Variants in PREX2 observed in about 807,000 individuals in gnomAD.
The protein encoded by PREX2 is phosphatidylinositol-3,4,5-trisphosphate dependent Rac exchange factor 2.
A neutral mutation model predicts 203.2 loss-of-function variants in PREX2; 107 were observed. The ratio of observed to expected loss-of-function variants is 0.53; its 90% confidence interval spans 0.45 to 0.62. PREX2 has a LOEUF of 0.62. Ranked by LOEUF, PREX2 falls within the 20% of genes least tolerant of loss-of-function variation. The pLI is 0.00. For missense variants in PREX2, 1,777 were observed against 1,955.9 expected, an observed-to-expected ratio of 0.91 and a Z score of 1.72; for synonymous variants, 672 against 663.6, an observed-to-expected ratio of 1.01 and a Z score of -0.19.
Position 68,090,634 on chromosome 8 carries a change from T to C in PREX2, c.2169T>C (p.Asn723=). ...LHPGQCIIKV[N]GINVSKETHA... is the part of the protein sequence containing the mutation. ...CTGGACAGTGCATTATCAAGGTGAA[T>C]GGAATCAATGTCAGCAAAGAGACAC... Residue 723 remains asparagine, a synonymous_variant, in exon 20 of 40, where the codon AAT becomes AAC. Transcript: ENST00000288368. The C allele has an allele frequency of 6.2e-7, 1 of 1,613,822 alleles. No individual in the cohort carries two copies. The highest frequency in any genetic ancestry group is 8.5e-7 in the Non-Finnish European group (1 of 1,179,778).
At chr8:67,998,155 T>C (rs1288137956) in intron 1 of PREX2, among the ~76,000 whole-genome samples, 1 of 152,174 alleles carries the variant, frequency 6.6e-6, no homozygotes, top group Non-Finnish European at 1.5e-5. Flanking sequence ...AATTTTTGCA[T>C]TGCTGAGGAG....
intron 22 of PREX2, 32 bp from the exon 23 acceptor site, chr8:68,099,650 G>T: frequency 6.2e-7 from 1 of 1,601,592 alleles, no homozygotes; most frequent in Non-Finnish European, 8.5e-7. Flanking sequence ...GTGTTTGTGT[G>T]TGTGGGTGTG....
At chr8:68,186,361 A>G (rs1233996056) in intron 35 of PREX2, among the ~76,000 whole-genome samples, 1 of 152,204 alleles carries the variant, frequency 6.6e-6, no homozygotes, top group African/African-American at 2.4e-5. Flanking sequence ...AACTGCTAGC[A>G]CAAGTCTGGA....
chr8:67,985,106 A>T (rs1806379436), intron 1 of PREX2, among the ~76,000 whole-genome samples: 1 of 152,108 alleles, frequency 6.6e-6, no homozygotes, highest in South Asian at 2.1e-4. Flanking sequence ...GCCAGTTGCT[A>T]GGCAGAGAAA....
chr8:68,135,611 C>G (rs937820868), intron 32 of PREX2, among the ~76,000 whole-genome samples: 1 of 152,144 alleles, frequency 6.6e-6, no homozygotes, highest in Non-Finnish European at 1.5e-5. Context: ...GAAATTTTGT[C>G]ACCCTCCTAA....
At chr8:68,190,030 A>G (rs747097283) in intron 35 of PREX2, among the ~76,000 whole-genome samples, 3 of 152,222 alleles carry the variant, frequency 2.0e-5, no homozygotes, top group Non-Finnish European at 4.4e-5. Context: ...CACTATTGCT[A>G]GTAATGGGAA....
intron 1 of PREX2, among the ~76,000 whole-genome samples, chr8:68,009,292 G>C (rs1189804514): frequency 6.6e-6 from 1 of 152,218 alleles, no homozygotes; most frequent in Non-Finnish European, 1.5e-5. Flanking sequence ...CTGTGCCAGA[G>C]AAAAATATGT....
In PREX2 at chr8:68,115,737, T is replaced by A. The variant is rs766837766; in HGVS notation, c.3147-16T>A. The A allele has an allele frequency of 6.3e-5, 99 of 1,580,318 alleles. No homozygotes were observed. Among genetic ancestry groups the A allele is most frequent in the Non-Finnish European group, 7.8e-5 (91 of 1,163,256 alleles). ...CAGTTTGAAAATGTGCATTTTTTTT[T>A]AATATTACATTGCAGCCTTCTGTCT... is the stretch of plus-strand genomic sequence containing the variant. On this transcript the variant is annotated splice_polypyrimidine_tract_variant and intron_variant, in intron 25 of 39. Coordinates refer to ENST00000288368, the MANE Select transcript of PREX2 (RefSeq NM_024870.4).
chr8:68,194,847 G>T (rs1812365041), intron 37 of PREX2, among the ~76,000 whole-genome samples: 1 of 151,650 alleles, frequency 6.6e-6, no homozygotes, highest in Non-Finnish European at 1.5e-5. Flanking sequence ...ATATCTCAGA[G>T]AAAGAGCTTT....
intron 1 of PREX2, among the ~76,000 whole-genome samples, chr8:67,997,739 A>G (rs4520145): frequency 3.9e-5 from 6 of 152,154 alleles, no homozygotes; most frequent in African/African-American, 2.4e-5. Flanking sequence ...AGTTCTCAGT[A>G]TTTTAAGATA....
intron 21 of PREX2, chr8:68,095,117 C>G (rs1810017101): frequency 6.6e-6 from 1 of 152,232 alleles, no homozygotes; most frequent in Non-Finnish European, 1.5e-5. Flanking sequence ...GGGTGTGCCA[C>G]CCTCCAGACA....
intron 3 of PREX2, 109 bp downstream of exon 3, chr8:68,019,780 C>G: frequency 1.8e-6 from 2 of 1,125,114 alleles, no homozygotes. Flanking sequence ...AAATCTGACA[C>G]CAAAAGTTTA....
intron 11 of PREX2, among the ~76,000 whole-genome samples, chr8:68,065,842 CA>C (rs1460407584): frequency 6.6e-6 from 1 of 152,060 alleles, no homozygotes; most frequent in Non-Finnish European, 1.5e-5. Flanking sequence ...GTGTATAAAA[CA>C]ACTTAGCCTG....
intron 1 of PREX2, among the ~76,000 whole-genome samples, chr8:67,986,072 A>G (rs778880351): frequency 3.3e-5 from 5 of 152,206 alleles, no homozygotes; most frequent in Non-Finnish European, 5.9e-5. Context: ...GTTTTGAGAG[A>G]AAAGTTGGTT....
intron 35 of PREX2, among the ~76,000 whole-genome samples, chr8:68,159,818 C>A (rs1381177757): frequency 6.6e-6 from 1 of 152,048 alleles, no homozygotes; most frequent in Non-Finnish European, 1.5e-5. Flanking sequence ...TTTATATAAA[C>A]AACTACATTG....
intron 11 of PREX2, among the ~76,000 whole-genome samples, chr8:68,065,347 C>T (rs929783261): frequency 2.0e-5 from 3 of 152,166 alleles, no homozygotes; most frequent in Non-Finnish European, 2.9e-5. Context: ...AAAAAATTGT[C>T]ATCTTAAAAC....
rs553811753 is a variant in PREX2, at chr8:68,233,877, C to T, written c.*2499C>T. ...CAATATAAGAACTATTGTAATATTA[C>T]GATGATTTGTAAGTAAATTTGGAGT... is the stretch of plus-strand genomic sequence containing the variant. On this transcript the variant is annotated 3_prime_UTR_variant, in exon 40 of 40. Coordinates refer to ENST00000288368, the MANE Select transcript of PREX2 (RefSeq NM_024870.4). 35 of 152,140 alleles carry T rather than the reference C, an allele frequency of 2.3e-4. No homozygotes were observed. Among genetic ancestry groups the T allele is most frequent in the African/African-American group, 7.0e-4 (29 of 41,520 alleles). 9.4% of individuals were successfully genotyped at this position (152,140 alleles called of 1,614,324 possible). A position where few individuals can be genotyped will look rare whatever the true frequency, so the allele number is the denominator to read the frequency against.
At chr8:68,188,797 G>A (rs1288402431) in intron 35 of PREX2, among the ~76,000 whole-genome samples, 2 of 152,076 alleles carry the variant, frequency 1.3e-5, no homozygotes, top group Non-Finnish European at 2.9e-5. Context: ...CCCCACCCTT[G>A]ACACGTGAGG....
At chr8:68,077,713 C>A (rs1251956722) in intron 15 of PREX2, among the ~76,000 whole-genome samples, 1 of 152,120 alleles carries the variant, frequency 6.6e-6, no homozygotes, top group Non-Finnish European at 1.5e-5. Flanking sequence ...CTAGACTATG[C>A]TGATTCTAGA....
Sources: allele counts gnomAD v4.1 joint callset (sites outside exome capture counted in the v4.1 genomes callset), GRCh38; gene constraint gnomAD v4.1.1; transcripts MANE v1.5; gene names NCBI Gene and HGNC (gene_info 2026-07-23, HGNC 2026-07-21).